GRIK1: variants seen among roughly 807,000 people sequenced by gnomAD.
The protein encoded by GRIK1 is glutamate ionotropic receptor kainate type subunit 1, also known as glutamate receptor ionotropic, kainate 1.
Under a neutral mutation model 105.7 loss-of-function variants are expected in GRIK1, and 69 were observed. The observed-to-expected ratio is 0.65, with a 90% CI of 0.54 to 0.80. The LOEUF is 0.80. GRIK1 is among the 30% of genes least tolerant of loss of function. The pLI, the probability that GRIK1 is intolerant of heterozygous loss-of-function variation, is 0.00. For synonymous variants in GRIK1, 438 were observed against 431.3 expected, an observed-to-expected ratio of 1.02 and a Z score of -0.19; for missense variants, 1,109 against 1,167.3, an observed-to-expected ratio of 0.95 and a Z score of 0.73.
chr21:29,676,479 T>C (rs1601428672), intron 3 of GRIK1, among the ~76,000 whole-genome samples: 3 of 152,332 alleles, frequency 2.0e-5, no homozygotes, highest in East Asian at 3.9e-4. Flanking sequence ...CATCAGTCAT[T>C]TCTTTGTAAT....
Position 29,654,828 on chromosome 21 carries a change from G to T in GRIK1, c.762C>A (p.His254Gln). 1 of 1,583,266 alleles carries T rather than the reference G, an allele frequency of 6.3e-7. No homozygotes were observed. ...LFMGMMTEYY[H>Q]YFFTTLDLFA... is the part of the protein sequence containing the mutation. Reference sequence around the variant, plus strand: ...CACTTACCAGGGTTGTGAAAAAGTAGTGATAGTACTCGGTCATCATGCCCA... The same window carrying T: ...CACTTACCAGGGTTGTGAAAAAGTATTGATAGTACTCGGTCATCATGCCCA... The change falls in exon 5 of 18, where the codon CAC becomes CAA. Residue 254 changes from histidine (H) to glutamine (Q), a missense_variant. His to Gln is a conservative substitution (Grantham distance 24). Transcript: ENST00000327783.
At chr21:29,599,812 CA>C (rs2061484321) in intron 7 of GRIK1, among the ~76,000 whole-genome samples, 1 of 152,070 alleles carries the variant, frequency 6.6e-6, no homozygotes, top group South Asian at 2.1e-4. Flanking sequence ...AACAAACAAA[CA>C]AAAAGGGTCG....
chr21:29,846,463 G>GAGAAGAA (rs2068122546), intron 1 of GRIK1, among the ~76,000 whole-genome samples: 1 of 127,908 alleles, frequency 7.8e-6, no homozygotes, highest in Non-Finnish European at 1.6e-5. Context: ...GAAAGAGAGA[G>GAGAAGAA]AGAAAGAAAG....
intron 16 of GRIK1, among the ~76,000 whole-genome samples, chr21:29,539,181 A>G (rs952885079): frequency 6.6e-6 from 1 of 152,204 alleles, no homozygotes; most frequent in Non-Finnish European, 1.5e-5. Context: ...TTTATGAACT[A>G]TACTTAAAAA....
chr21:29,730,877 T>C (rs985267982), intron 1 of GRIK1, among the ~76,000 whole-genome samples: 1 of 152,156 alleles, frequency 6.6e-6, no homozygotes, highest in Admixed American at 6.5e-5. Flanking sequence ...AATAAAAATA[T>C]AAACCTTATT....
chr21:29,639,964 T>A (rs1438949867), intron 7 of GRIK1, among the ~76,000 whole-genome samples: 1 of 152,176 alleles, frequency 6.6e-6, no homozygotes, highest in Non-Finnish European at 1.5e-5. Context: ...GAAACATGTG[T>A]CTGAAAAGCT....
At chr21:29,826,523 G>A (rs2067461842) in intron 1 of GRIK1, among the ~76,000 whole-genome samples, 1 of 152,222 alleles carries the variant, frequency 6.6e-6, no homozygotes, top group East Asian at 1.9e-4. Context: ...AAGGAATTCT[G>A]CAGCAGATGG....
At chr21:29,584,312 T>A (rs139420741) in intron 12 of GRIK1, among the ~76,000 whole-genome samples, 2 of 152,264 alleles carry the variant, frequency 1.3e-5, no homozygotes, top group Non-Finnish European at 2.9e-5. Context: ...TTCTAGATTT[T>A]TTTTTGCCAA....
At chr21:29,635,233 G>A (rs973641887) in intron 7 of GRIK1, among the ~76,000 whole-genome samples, 1 of 152,232 alleles carries the variant, frequency 6.6e-6, no homozygotes, top group African/African-American at 2.4e-5. Context: ...GGACACCAGA[G>A]TGGGAGACAG....
At chr21:29,800,836 C>T (rs929018094) in intron 1 of GRIK1, among the ~76,000 whole-genome samples, 4 of 152,070 alleles carry the variant, frequency 2.6e-5, no homozygotes, top group Non-Finnish European at 4.4e-5. Flanking sequence ...GTAGACAAGT[C>T]GGAGGAGGGA....
chr21:29,939,323 A>T, intron 1 of GRIK1, 60 bp downstream of exon 1: 2 of 1,011,010 alleles, frequency 2.0e-6, no homozygotes, highest in Non-Finnish European at 3.0e-6. Flanking sequence ...GACCCGCTAC[A>T]CCCGCGTTGG....
At chr21:29,824,642 A>G (rs1011931759) in intron 1 of GRIK1, among the ~76,000 whole-genome samples, 2 of 152,050 alleles carry the variant, frequency 1.3e-5, no homozygotes, top group African/African-American at 4.8e-5. Context: ...TGGTCAGGTT[A>G]AAAGAACTGC....
chr21:29,653,814 A>G (rs1031576749), intron 5 of GRIK1, among the ~76,000 whole-genome samples: 1 of 152,224 alleles, frequency 6.6e-6, no homozygotes, highest in African/African-American at 2.4e-5. Flanking sequence ...ACCTTAGTTC[A>G]GGAATTTCTA....
At chr21:29,701,093 T>A (rs1401455799) in intron 1 of GRIK1, among the ~76,000 whole-genome samples, 1 of 152,230 alleles carries the variant, frequency 6.6e-6, no homozygotes, top group Non-Finnish European at 1.5e-5. Flanking sequence ...ATATATTATG[T>A]CCATGATTCT....
chr21:29,924,377 A>G lies in GRIK1; in HGVS notation c.118+15006T>C, dbSNP rs183132277. On this transcript the variant is annotated intron_variant, in intron 1 of 17. Transcript: ENST00000327783. ...AAAAAAGAAAAAGAAGGTTAGATGGAAGAAGGGTTGTGATGAAGTGATGAA... is the reference window on the plus strand; with the variant it reads ...AAAAAAGAAAAAGAAGGTTAGATGGGAGAAGGGTTGTGATGAAGTGATGAA... 2.0e-5 allele frequency among the ~76,000 whole-genome samples: 3 copies of G among 151,900 alleles called. No homozygotes were observed. In the East Asian group the frequency reaches 5.8e-4, roughly 29 times the overall value.
intron 2 of GRIK1, among the ~76,000 whole-genome samples, chr21:29,692,535 T>G (rs2063604363): frequency 6.6e-6 from 1 of 152,222 alleles, no homozygotes; most frequent in African/African-American, 2.4e-5. Context: ...TCTTTATACT[T>G]AAGTCAGGCC....
At chr21:29,543,407 G>A (rs747291841) in intron 16 of GRIK1, among the ~76,000 whole-genome samples, 10 of 152,184 alleles carry the variant, frequency 6.6e-5, no homozygotes, top group Non-Finnish European at 1.3e-4. Context: ...GCAGAGGTCA[G>A]GCTTTAATCA....
At chr21:29,878,436 G>C (rs999518230) in intron 1 of GRIK1, among the ~76,000 whole-genome samples, 7 of 152,088 alleles carry the variant, frequency 4.6e-5, no homozygotes, top group African/African-American at 1.7e-4. Context: ...GAAACCTTCA[G>C]GTGGAGCACC....
chr21:29,681,547 G>T (rs987445765), intron 3 of GRIK1, among the ~76,000 whole-genome samples: 12 of 152,176 alleles, frequency 7.9e-5, no homozygotes, highest in African/African-American at 2.7e-4. Context: ...GCTCCTTGCA[G>T]CCTTTGCTCA....
Sources: gnomAD v4.1 joint callset for allele counts (sites outside exome capture counted in the v4.1 genomes callset) on GRCh38, gnomAD v4.1.1 for gene constraint, MANE v1.5 for transcripts, NCBI Gene and HGNC (gene_info 2026-07-23, HGNC 2026-07-21) for gene names.